Variants in S100Z observed in about 807,000 individuals in gnomAD.
S100Z encodes protein S100-Z.
Under a neutral mutation model 8.5 loss-of-function variants are expected in S100Z, and 11 were observed. The observed-to-expected ratio is 1.30, with a 90% CI of 0.82 to 2.15. S100Z has a LOEUF of 2.15. S100Z is among the 30% of genes most tolerant of loss of function. S100Z has a pLI of 0.00. For synonymous variants in S100Z, 34 were observed against 43.8 expected, an observed-to-expected ratio of 0.78 and a Z score of 0.89; for missense variants, 126 against 117.9, an observed-to-expected ratio of 1.07 and a Z score of -0.32.
intron 1 of S100Z, among the ~76,000 whole-genome samples, chr5:76,856,572 T>G (rs2150620224): frequency 6.6e-6 from 1 of 152,344 alleles, no homozygotes; most frequent in Non-Finnish European, 1.5e-5. Flanking sequence ...ACTAATACGC[T>G]TGCTGACAAA....
chr5:76,926,287 T>C (rs1453235380), downstream of S100Z, among the ~76,000 whole-genome samples: 23 of 152,114 alleles, frequency 1.5e-4, no homozygotes, highest in Non-Finnish European at 2.6e-4. Flanking sequence ...TGGGGCAGTG[T>C]GATGCTGTAG....
At chr5:76,853,418 T>A (rs1326228970) in intron 1 of S100Z, among the ~76,000 whole-genome samples, 2 of 152,234 alleles carry the variant, frequency 1.3e-5, no homozygotes, top group Admixed American at 1.3e-4. Context: ...AATTACCTTA[T>A]TAAGCTTGAA....
intron 4 of S100Z, chr5:76,878,236 GT>G (rs1743270147): frequency 1.3e-5 from 2 of 154,612 alleles, no homozygotes; most frequent in Admixed American, 1.3e-4. Context: ...TCATTCTCTT[GT>G]GACTGTGTTT....
chr5:76,906,808 T>C (rs1744437213), intron 4 of S100Z, among the ~76,000 whole-genome samples: 1 of 151,342 alleles, frequency 6.6e-6, no homozygotes, highest in Non-Finnish European at 1.5e-5. Flanking sequence ...AATTTTTGTG[T>C]TTTTAGTAGA....
At chr5:76,865,807 G>T (rs938856632) in intron 1 of S100Z, among the ~76,000 whole-genome samples, 7 of 150,872 alleles carry the variant, frequency 4.6e-5, no homozygotes, top group African/African-American at 1.7e-4. Context: ...GAGGTCAGTA[G>T]TTCGAGACCA....
At chr5:76,896,935 A>C (rs1292780787) in intron 4 of S100Z, among the ~76,000 whole-genome samples, 2 of 152,058 alleles carry the variant, frequency 1.3e-5, no homozygotes, top group Non-Finnish European at 2.9e-5. Flanking sequence ...TCTGATTATT[A>C]ATCCCTTGTC....
intron 4 of S100Z, among the ~76,000 whole-genome samples, chr5:76,890,079 A>C (rs1221446119): frequency 6.6e-6 from 1 of 152,222 alleles, no homozygotes; most frequent in Non-Finnish European, 1.5e-5. Flanking sequence ...GCTGGAGTGC[A>C]GTGGCACAAT....
At chr5:76,885,106 G>A (rs2150652539) in intron 4 of S100Z, among the ~76,000 whole-genome samples, 1 of 152,282 alleles carries the variant, frequency 6.6e-6, no homozygotes, top group African/African-American at 2.4e-5. Flanking sequence ...GCTTGTATTG[G>A]GGTCAAGCAG....
At chr5:76,910,352 C>G (rs1394778216) in intron 4 of S100Z, among the ~76,000 whole-genome samples, 2 of 152,146 alleles carry the variant, frequency 1.3e-5, no homozygotes, top group Non-Finnish European at 2.9e-5. Context: ...ATTATTAAAC[C>G]TGGCAACCTT....
chr5:76,927,682 A>T, the S100Z span, among the ~76,000 whole-genome samples: 9 of 152,344 alleles, frequency 5.9e-5, no homozygotes, highest in Admixed American at 3.3e-4. Context: ...AGAAATAAGG[A>T]ATTAAATTTC....
chr5:76,864,998 C>T (rs1257723672), intron 1 of S100Z, among the ~76,000 whole-genome samples: 4 of 151,880 alleles, frequency 2.6e-5, no homozygotes, highest in Middle Eastern at 3.2e-3. Flanking sequence ...TGAGCCACCA[C>T]GCCCGGCCTA....
intron 1 of S100Z, among the ~76,000 whole-genome samples, chr5:76,866,234 G>A (rs1339282098): frequency 2.6e-5 from 4 of 151,472 alleles, no homozygotes; most frequent in East Asian, 2.0e-4. Context: ...ACAGGCATGC[G>A]CCACCATGCC....
chr5:76,862,124 A>AGT (rs374825870), intron 1 of S100Z, among the ~76,000 whole-genome samples: 2,877 of 138,330 alleles, frequency 0.021, 60 homozygotes, highest in African/African-American at 0.055. Context: ...AGGGATAAGG[A>AGT]GTGTGCGTGT....
At chr5:76,948,061 C>T in the S100Z span, among the ~76,000 whole-genome samples, 1 of 152,118 alleles carries the variant, frequency 6.6e-6, no homozygotes, top group Non-Finnish European at 1.5e-5. Flanking sequence ...AGCCGCGGCT[C>T]ACATCTGTAA....
intron 2 of S100Z, among the ~76,000 whole-genome samples, chr5:76,873,647 G>C (rs1207385448): frequency 1.3e-5 from 2 of 152,156 alleles, no homozygotes; most frequent in African/African-American, 2.4e-5. Flanking sequence ...CACCTCCTGG[G>C]AACCTTGCAG....
At chr5:76,873,333 G>C (rs1473404361) in intron 2 of S100Z, among the ~76,000 whole-genome samples, 2 of 72,952 alleles carry the variant, frequency 2.7e-5, no homozygotes, top group Non-Finnish European at 5.0e-5. Context: ...TTTTTGAGAC[G>C]GAGTCTCACT....
intron 1 of S100Z, among the ~76,000 whole-genome samples, chr5:76,858,447 T>C (rs1750947794): frequency 6.6e-6 from 1 of 151,750 alleles, no homozygotes; most frequent in East Asian, 1.9e-4. Context: ...CGCTTGAACC[T>C]GGGAGGCAGA....
chr5:76,862,372 T>G (rs1215686740), intron 1 of S100Z, among the ~76,000 whole-genome samples: 1 of 152,144 alleles, frequency 6.6e-6, no homozygotes, highest in African/African-American at 2.4e-5. Flanking sequence ...ACATCCTCAC[T>G]CCTGTGATAA....
chr5:76,863,685 C>A (rs75813045), intron 1 of S100Z, among the ~76,000 whole-genome samples: 10,443 of 151,884 alleles, frequency 0.069, 488 homozygotes, highest in Middle Eastern at 0.13. Flanking sequence ...ACTACAGGCA[C>A]CCGCCACCAC....
Sources: allele counts gnomAD v4.1 joint callset (sites outside exome capture counted in the v4.1 genomes callset), GRCh38; gene constraint gnomAD v4.1.1; transcripts MANE v1.5; gene names NCBI Gene and HGNC (gene_info 2026-07-23, HGNC 2026-07-21).